PAX5: variants seen among roughly 807,000 people sequenced by gnomAD.
PAX5 encodes the protein paired box protein Pax-5.
In PAX5, 9 loss-of-function variants were observed where a neutral mutation model predicts 43.7. That is an observed-to-expected ratio of 0.21 (90% CI 0.12 to 0.36). PAX5 has a LOEUF of 0.36. Among genes scored for constraint, PAX5 ranks in the 10% least tolerant of loss-of-function variants. The pLI, the probability that PAX5 is intolerant of heterozygous loss-of-function variation, is 1.00. For synonymous variants in PAX5, 228 were observed against 214.3 expected (o/e 1.06, Z -0.56); for missense variants, 383 against 532.7 (o/e 0.72, Z 2.77).
At chr9:36,928,354 A>C (rs1203906394) in intron 6 of PAX5, among the ~76,000 whole-genome samples, 1 of 152,146 alleles carries the variant, frequency 6.6e-6, no homozygotes, top group Non-Finnish European at 1.5e-5. Flanking sequence ...CCCAGTTCAC[A>C]TGTCACCTCC....
At chr9:36,981,194 C>T (rs76700460) in intron 5 of PAX5, among the ~76,000 whole-genome samples, 20 of 140,772 alleles carry the variant, frequency 1.4e-4, no homozygotes, top group African/African-American at 4.1e-4. Context: ...AGCCCCCCCC[C>T]CCTCAGCCCT....
chr9:36,870,069 TGGA>T, intron 8 of PAX5, among the ~76,000 whole-genome samples: 1 of 92,554 alleles, frequency 1.1e-5, no homozygotes, highest in African/African-American at 4.1e-5. Context: ...AATGGATGGA[TGGA>T]TGGATGGATG....
chr9:36,930,331 C>T (rs138133241), intron 6 of PAX5, among the ~76,000 whole-genome samples: 11,068 of 150,850 alleles, frequency 0.073, 501 homozygotes, highest in East Asian at 0.11. Flanking sequence ...CCAAGGGATC[C>T]TCCCACCTCA....
chr9:37,004,885 C>G (rs1156810204), intron 4 of PAX5, among the ~76,000 whole-genome samples: 1 of 152,168 alleles, frequency 6.6e-6, no homozygotes, highest in East Asian at 1.9e-4. Context: ...TGACCTAGGG[C>G]TAGTTATTTC....
intron 3 of PAX5, 23 bp downstream of exon 3, chr9:37,014,974 C>A (rs1362674233): frequency 6.2e-7 from 1 of 1,605,614 alleles, no homozygotes; most frequent in Non-Finnish European, 8.5e-7. Context: ...AATCCCCAAC[C>A]CCCACAGGCA....
chr9:36,875,078 G>A (rs1480617811), intron 8 of PAX5, among the ~76,000 whole-genome samples: 1 of 152,188 alleles, frequency 6.6e-6, no homozygotes, highest in Non-Finnish European at 1.5e-5. Flanking sequence ...GAACCAGGGA[G>A]TCTGGCTCAG....
At chr9:36,969,100 A>G (rs1340694155) in intron 5 of PAX5, among the ~76,000 whole-genome samples, 4 of 152,102 alleles carry the variant, frequency 2.6e-5, no homozygotes, top group Non-Finnish European at 4.4e-5. Context: ...CACTTTCAAG[A>G]GCTTCTCCCT....
At chr9:36,874,276 G>A (rs867505037) in intron 8 of PAX5, among the ~76,000 whole-genome samples, 5 of 152,122 alleles carry the variant, frequency 3.3e-5, no homozygotes, top group South Asian at 2.1e-4. Context: ...AGCACCCTTC[G>A]CTTCTCTTGG....
chr9:36,915,599 A>C (rs1195862593), intron 7 of PAX5, among the ~76,000 whole-genome samples: 1 of 152,148 alleles, frequency 6.6e-6, no homozygotes, highest in East Asian at 1.9e-4. Flanking sequence ...TTATATATTG[A>C]GGAAATTAGC....
At chr9:36,919,582 G>A (rs890292964) in intron 7 of PAX5, among the ~76,000 whole-genome samples, 5 of 152,226 alleles carry the variant, frequency 3.3e-5, no homozygotes, top group African/African-American at 7.2e-5. Flanking sequence ...GGTGGCTCAC[G>A]CCTGTAATCC....
Position 37,033,991 on chromosome 9 carries a change from C to G in PAX5, c.41G>C (p.Arg14Thr). ...AGCCCGTATCGCGGTCCTACCTGTC[C>G]TGCTGGTCCGAGGAGTCGGATAATT... is the stretch of plus-strand genomic sequence containing the variant. The part of the protein sequence containing the change: ...EKNYPTPRTS[R>T]TGHGGVNQLG... The change falls in exon 1 of 10, where the codon AGG becomes ACG. Residue 14 changes from arginine (R) to threonine (T), a missense_variant. This residue lies in a region of PAX5 where 54 missense variants were observed against 68.6 expected (regional missense o/e 0.79). Transcript: ENST00000358127. 1 of 1,611,682 alleles carries G rather than the reference C, an allele frequency of 6.2e-7. No individual in the cohort carries two copies.
chr9:36,884,289 T>G (rs60615192), intron 7 of PAX5, among the ~76,000 whole-genome samples: 9,545 of 152,270 alleles, frequency 0.063, 337 homozygotes, highest in Middle Eastern at 0.16. Flanking sequence ...GAAAGAATAA[T>G]ATACCATGAC....
At chr9:37,020,856 T>G (rs563238433) in intron 1 of PAX5, 55 bp from the exon 2 acceptor site, 2 of 1,587,194 alleles carry the variant, frequency 1.3e-6, no homozygotes, top group Middle Eastern at 1.7e-4. Flanking sequence ...ACCAGTCACA[T>G]AGGAGAAGCA....
intron 8 of PAX5, among the ~76,000 whole-genome samples, chr9:36,880,254 GCA>G (rs1474185245): frequency 4.6e-5 from 7 of 152,256 alleles, no homozygotes; most frequent in Admixed American, 1.3e-4. Flanking sequence ...GTGGGGCCTT[GCA>G]CACGCATGTG....
intron 6 of PAX5, among the ~76,000 whole-genome samples, chr9:36,957,110 C>T (rs563257540): frequency 2.6e-4 from 40 of 152,340 alleles, no homozygotes; most frequent in South Asian, 6.2e-4. Flanking sequence ...TAGCTGTGCT[C>T]GCTGGTGGGC....
chr9:36,942,469 T>G (rs575318122), intron 6 of PAX5, among the ~76,000 whole-genome samples: 31 of 152,208 alleles, frequency 2.0e-4, no homozygotes, highest in Admixed American at 1.9e-3. Context: ...GCCACAGATG[T>G]GAAAGCAGTC....
chr9:37,007,312 G>A (rs1838486220), intron 3 of PAX5: 1 of 152,168 alleles, frequency 6.6e-6, no homozygotes, highest in Admixed American at 6.5e-5. Flanking sequence ...AGTTGGAACA[G>A]ACCACTCTGC....
Position 36,839,509 on chromosome 9 carries a change from T to G in PAX5, c.*1051A>C, listed in dbSNP as rs542542218. 28 of 233,456 alleles carry G rather than the reference T, an allele frequency of 1.2e-4. No homozygotes were observed. The South Asian group carries it at 1.4e-3, about 12-fold the overall frequency. 14.5% of individuals were successfully genotyped at this position (233,456 alleles called of 1,614,324 possible). ...AAAGTCCTCTGTGTTAATTATTGTC[T>G]ACATCACCGGAACAGGCTTGCCCAG... On this transcript the variant is annotated 3_prime_UTR_variant, in exon 10 of 10. Coordinates refer to ENST00000358127, the MANE Select transcript of PAX5 (RefSeq NM_016734.3).
chr9:36,861,274 C>T (rs1013191643), intron 8 of PAX5: 1 of 151,484 alleles, frequency 6.6e-6, no homozygotes, highest in African/African-American at 2.4e-5. Context: ...TGCAGACAGT[C>T]GCAATTTCAT....
Sources: allele counts gnomAD v4.1 joint callset (sites outside exome capture counted in the v4.1 genomes callset), GRCh38; gene constraint gnomAD v4.1.1; regional missense constraint gnomAD v4.1.1; transcripts MANE v1.5; gene names NCBI Gene and HGNC (gene_info 2026-07-23, HGNC 2026-07-21).